CA10: variants seen among roughly 807,000 people sequenced by gnomAD.
The protein encoded by CA10 is carbonic anhydrase 10 (inactive).
Under a neutral mutation model 44.2 loss-of-function variants are expected in CA10, and 14 were observed. That is an observed-to-expected ratio of 0.32 (90% CI 0.21 to 0.50). The LOEUF is 0.50. Among genes scored for constraint, CA10 ranks in the 20% least tolerant of loss-of-function variants. The pLI is 0.99. For synonymous variants in CA10, 159 were observed against 141.6 expected, an observed-to-expected ratio of 1.12 and a Z score of -0.87; for missense variants, 350 against 409.7, an observed-to-expected ratio of 0.85 and a Z score of 1.26.
intron 3 of CA10, among the ~76,000 whole-genome samples, chr17:51,846,128 G>A (rs1253745451): frequency 6.6e-6 from 1 of 152,198 alleles, no homozygotes; most frequent in Non-Finnish European, 1.5e-5. Flanking sequence ...CATACCACAG[G>A]TCTGCAAAGG....
At chr17:51,930,709 C>T (rs551885445) in intron 3 of CA10, among the ~76,000 whole-genome samples, 1 of 152,178 alleles carries the variant, frequency 6.6e-6, no homozygotes, top group South Asian at 2.1e-4. Context: ...CAGGGGTGGC[C>T]ACTATGCTTT....
intron 1 of CA10, among the ~76,000 whole-genome samples, chr17:52,130,848 C>A (rs572186792): frequency 1.7e-3 from 266 of 152,080 alleles, no homozygotes; most frequent in African/African-American, 6.1e-3. Context: ...CAGGCACACA[C>A]CACCAAAGGA....
At chr17:51,952,308 A>C (rs9906604) in intron 2 of CA10, among the ~76,000 whole-genome samples, 21,487 of 152,162 alleles carry the variant, frequency 0.14, 1,911 homozygotes, top group South Asian at 0.32. Flanking sequence ...TTCTCATTTA[A>C]CTTGAATAAT....
intron 4 of CA10, among the ~76,000 whole-genome samples, chr17:51,712,361 A>T (rs1915966968): frequency 6.6e-6 from 1 of 152,262 alleles, no homozygotes; most frequent in Non-Finnish European, 1.5e-5. Flanking sequence ...TCTTTAAAAT[A>T]GGGAAAAATC....
At chr17:51,883,196 A>G (rs947805144) in intron 3 of CA10, among the ~76,000 whole-genome samples, 1 of 152,222 alleles carries the variant, frequency 6.6e-6, no homozygotes, top group African/African-American at 2.4e-5. Flanking sequence ...ATACACACAC[A>G]TACATAAACA....
intron 3 of CA10, among the ~76,000 whole-genome samples, chr17:51,845,330 T>G (rs1978443933): frequency 6.6e-6 from 1 of 152,180 alleles, no homozygotes. Context: ...CTCACTCCAG[T>G]GGAAGTTGGC....
chr17:52,132,212 A>G (rs1306998567), intron 1 of CA10, among the ~76,000 whole-genome samples: 1 of 152,128 alleles, frequency 6.6e-6, no homozygotes, highest in Non-Finnish European at 1.5e-5. Flanking sequence ...TTTTTAAATT[A>G]AAAAAATTAA....
intron 3 of CA10, among the ~76,000 whole-genome samples, chr17:51,905,526 C>CTTTTTT (rs34606778): frequency 1.0e-5 from 1 of 99,854 alleles, no homozygotes; most frequent in Non-Finnish European, 1.9e-5. Flanking sequence ...CCTATCAGTC[C>CTTTTTT]TTTTTTTTTT....
At chr17:51,975,270 G>A (rs1984422429) in intron 2 of CA10, among the ~76,000 whole-genome samples, 1 of 152,102 alleles carries the variant, frequency 6.6e-6, no homozygotes, top group Non-Finnish European at 1.5e-5. Flanking sequence ...AGAAAATATA[G>A]AAAAGTAGAA....
At chr17:51,970,977 C>T (rs1294714819) in intron 2 of CA10, among the ~76,000 whole-genome samples, 4 of 151,970 alleles carry the variant, frequency 2.6e-5, no homozygotes, top group Non-Finnish European at 5.9e-5. Context: ...TTGCCCTGAC[C>T]ATTCCATATT....
intron 2 of CA10, among the ~76,000 whole-genome samples, chr17:52,038,341 G>A (rs566089293): frequency 4.6e-5 from 7 of 152,188 alleles, no homozygotes; most frequent in South Asian, 2.1e-4. Context: ...TACTGTTATC[G>A]TTCCCATTTC....
At chr17:52,057,916 T>TG (rs1040649616) in intron 2 of CA10, among the ~76,000 whole-genome samples, 2 of 131,560 alleles carry the variant, frequency 1.5e-5, no homozygotes, top group African/African-American at 5.7e-5. Context: ...TCCAAAGTGT[T>TG]TCTCAAGAGG....
rs192984638 is a variant in CA10, at chr17:51,687,149, C to A, written c.466-33413G>T. 1.6e-4 allele frequency among the ~76,000 whole-genome samples: 24 copies of A among 152,296 alleles called. No individual in the cohort carries two copies. In the East Asian group the frequency reaches 4.4e-3, roughly 28 times the overall value. ...TTTCTACATCTTACCTTTATGATCT[C>A]ATTTTGTATCATTCATCCCTTATCC... On this transcript the variant is annotated intron_variant, in intron 4 of 8. Transcript: ENST00000451037.
intron 3 of CA10, among the ~76,000 whole-genome samples, chr17:51,816,629 ACTT>A (rs1205895793): frequency 2.0e-5 from 3 of 152,246 alleles, no homozygotes; most frequent in Non-Finnish European, 4.4e-5. Flanking sequence ...AATCAGAAAT[ACTT>A]ATTACATCAA....
At chr17:51,908,603 G>T (rs1336397034) in intron 3 of CA10, among the ~76,000 whole-genome samples, 1 of 140,852 alleles carries the variant, frequency 7.1e-6, no homozygotes, top group African/African-American at 2.7e-5. Context: ...TAGACACTTT[G>T]GTATTAGCTA....
intron 2 of CA10, among the ~76,000 whole-genome samples, chr17:51,955,462 G>A (rs1237851238): frequency 3.3e-5 from 5 of 152,086 alleles, no homozygotes; most frequent in Admixed American, 3.3e-4. Context: ...CTCATGCTTT[G>A]GCCACCGTGG....
At chr17:51,958,163 A>G (rs1207744396) in intron 2 of CA10, among the ~76,000 whole-genome samples, 1 of 152,216 alleles carries the variant, frequency 6.6e-6, no homozygotes, top group African/African-American at 2.4e-5. Context: ...CAAAGAAAAA[A>G]ACACGTAGCA....
chr17:52,114,145 G>A (rs961914338), intron 1 of CA10, among the ~76,000 whole-genome samples: 1 of 152,170 alleles, frequency 6.6e-6, no homozygotes, highest in Non-Finnish European at 1.5e-5. Flanking sequence ...CCTGAATGAA[G>A]CTTCTTTATC....
chr17:51,711,197 G>A (rs1486965419), intron 4 of CA10, among the ~76,000 whole-genome samples: 2 of 152,050 alleles, frequency 1.3e-5, no homozygotes, highest in Non-Finnish European at 2.9e-5. Context: ...GGCAGGCAGC[G>A]CATTAATTTT....
Sources: allele counts gnomAD v4.1 joint callset (sites outside exome capture counted in the v4.1 genomes callset), GRCh38; gene constraint gnomAD v4.1.1; transcripts MANE v1.5; gene names NCBI Gene and HGNC (gene_info 2026-07-23, HGNC 2026-07-21).